Variants in ACSBG2 observed in about 807,000 individuals in gnomAD.
The protein encoded by ACSBG2 is long-chain-fatty-acid--CoA ligase ACSBG2.
In ACSBG2, 62 loss-of-function variants were observed where a neutral mutation model predicts 74.7. The ratio of observed to expected loss-of-function variants is 0.83; its 90% CI spans 0.68 to 1.03. The LOEUF (loss-of-function observed/expected upper bound fraction) is 1.03, where lower values mean the gene tolerates loss of function less well. Among genes scored for constraint, ACSBG2 ranks in the 50% least tolerant of loss-of-function variants. The pLI, the probability that ACSBG2 is intolerant of heterozygous loss-of-function variation, is 0.00. For missense variants in ACSBG2, 730 were observed against 817.6 expected, an observed-to-expected ratio of 0.89 and a Z score of 1.31; for synonymous variants, 309 against 294.1, an observed-to-expected ratio of 1.05 and a Z score of -0.52.
chr19:6,149,197 C>T (rs1251739203), intron 3 of ACSBG2, among the ~76,000 whole-genome samples: 16 of 152,106 alleles, frequency 1.1e-4, no homozygotes, highest in Admixed American at 9.8e-4. Flanking sequence ...AGAAATTAGT[C>T]GGTGTAACTA....
At position 6,182,774 on chromosome 19, in the gene ACSBG2, G is replaced by A. The variant is rs1381580778; in HGVS notation, c.930G>A (p.Lys310=). The part of the protein sequence containing the change: ...ALKGTLVSTL[K]EVKPTVFIGV... The stretch of plus-strand genomic sequence containing the variant: ...AGGGCACCTTGGTAAGTACTCTAAA[G>A]GAGGTAAAACCTACTGTCTTCATTG... The change falls in exon 9 of 15, where the codon AAG becomes AAA. Residue 310 remains lysine (K), a synonymous_variant. Coordinates refer to ENST00000588485, the MANE Select transcript of ACSBG2 (RefSeq NM_030924.5). 6.2e-7 allele frequency: 1 copy of A among 1,614,148 alleles called. No homozygotes were observed. The highest frequency in any genetic ancestry group is 8.5e-7 in the Non-Finnish European group (1 of 1,180,010).
At chr19:6,147,763 G>A in intron 3 of ACSBG2, 88 bp downstream of exon 3, 4 of 1,422,706 alleles carry the variant, frequency 2.8e-6, no homozygotes, top group Non-Finnish European at 3.9e-6. Context: ...AAATTCACAA[G>A]GCACCAAAAG....
chr19:6,139,086 A>G (rs1766903050), intron 1 of ACSBG2, among the ~76,000 whole-genome samples: 1 of 109,270 alleles, frequency 9.2e-6, no homozygotes, highest in African/African-American at 4.4e-5. Flanking sequence ...TTTTAAAATT[A>G]AACTTATTTT....
chr19:6,166,720 C>T (rs2089821407), intron 7 of ACSBG2, among the ~76,000 whole-genome samples: 1 of 151,932 alleles, frequency 6.6e-6, no homozygotes, highest in Non-Finnish European at 1.5e-5. Flanking sequence ...TCACTGCAAC[C>T]ACTGCCTCCT....
intron 7 of ACSBG2, among the ~76,000 whole-genome samples, chr19:6,168,312 G>A (rs2089869231): frequency 1.3e-5 from 2 of 152,108 alleles, no homozygotes; most frequent in South Asian, 4.1e-4. Context: ...CCTCCTTCGG[G>A]TGGGTCTCTG....
intron 12 of ACSBG2, 52 bp from the exon 13 acceptor site, chr19:6,187,547 G>A (rs1429878754): frequency 1.4e-5 from 22 of 1,609,760 alleles, no homozygotes; most frequent in Non-Finnish European, 1.8e-5. Context: ...GTGGGCCTGG[G>A]GAGGGGTGCT....
intron 1 of ACSBG2, among the ~76,000 whole-genome samples, chr19:6,138,250 C>T (rs2088655945): frequency 6.6e-6 from 1 of 152,088 alleles, no homozygotes; most frequent in African/African-American, 2.4e-5. Flanking sequence ...GTCTGAGACA[C>T]AGTCAGTGGT....
intron 8 of ACSBG2, among the ~76,000 whole-genome samples, chr19:6,181,979 C>T (rs577239135): frequency 3.9e-5 from 6 of 152,232 alleles, no homozygotes; most frequent in African/African-American, 1.4e-4. Context: ...GGATGGCTAA[C>T]GTTTCCTGGT....
chr19:6,165,014 A>AATT (rs1270866625), intron 6 of ACSBG2, among the ~76,000 whole-genome samples: 1 of 152,190 alleles, frequency 6.6e-6, no homozygotes, highest in Non-Finnish European at 1.5e-5. Flanking sequence ...GCAATGCATC[A>AATT]ATTATCAATA....
intron 7 of ACSBG2, among the ~76,000 whole-genome samples, chr19:6,170,623 ATTT>A (rs1403071056): frequency 6.6e-6 from 1 of 151,948 alleles, no homozygotes; most frequent in African/African-American, 2.4e-5. Flanking sequence ...TATGATTTTG[ATTT>A]TTTTAAATTT....
At chr19:6,137,896 C>T (rs2088645462) in intron 1 of ACSBG2, among the ~76,000 whole-genome samples, 1 of 152,148 alleles carries the variant, frequency 6.6e-6, no homozygotes, top group Non-Finnish European at 1.5e-5. Flanking sequence ...TCAGGTGATC[C>T]ACCCGCCTCG....
chr19:6,156,829 GCTGGAGTGCAATGT>G (rs1444781564), intron 5 of ACSBG2, among the ~76,000 whole-genome samples: 3 of 150,744 alleles, frequency 2.0e-5, no homozygotes, highest in Non-Finnish European at 4.4e-5. Flanking sequence ...CTGTCCCCAG[GCTGGAGTGCAATGT>G]CGTGATTGTA....
intron 10 of ACSBG2, among the ~76,000 whole-genome samples, chr19:6,184,921 T>A (rs1032677228): frequency 6.2e-5 from 9 of 144,474 alleles, no homozygotes; most frequent in Non-Finnish European, 1.4e-4. Flanking sequence ...TTTTTGTTTT[T>A]GTTTTTGTTT....
At chr19:6,182,269 T>C (rs182389630) in intron 8 of ACSBG2, among the ~76,000 whole-genome samples, 21 of 151,448 alleles carry the variant, frequency 1.4e-4, no homozygotes, top group African/African-American at 5.1e-4. Context: ...ATAGGTCTCT[T>C]TGGGGGAGAA....
intron 7 of ACSBG2, chr19:6,176,255 C>G (rs953970247): frequency 2.4e-5 from 32 of 1,331,204 alleles, no homozygotes; most frequent in Non-Finnish European, 2.9e-5. Context: ...GTGGGGGCCC[C>G]AGGTCCTTAC....
rs1264892884 is a variant in ACSBG2 at position 6,183,262 on chromosome 19, A to G, written c.1312A>G (p.Arg438Gly). The G allele has an allele frequency of 6.2e-7, 1 of 1,613,910 alleles. No homozygotes were observed. The highest frequency in any genetic ancestry group is 8.5e-7 in the Non-Finnish European group (1 of 1,179,802). The part of the protein sequence containing the change: ...PHTISNQNNY[R>G]LLSCGKILTG... The stretch of plus-strand genomic sequence containing the variant: ...CACGATATCCAACCAGAATAACTAC[A>G]GGCTTCTAAGGTACCAGCCCCCGGG... Residue 438 changes from arginine to glycine, a missense_variant, in exon 10 of 15, where the codon AGG becomes GGG. Transcript: ENST00000588485.
Position 6,177,215 on chromosome 19 carries a change from C to G in ACSBG2, c.739-14C>G, listed in dbSNP as rs1362349313. ...ATGAGGGTGAGGCACCTTGGATTGT[C>G]CCTTATGTTACAGATCACGTGGATT... On this transcript the variant is annotated splice_polypyrimidine_tract_variant and intron_variant, in intron 7 of 14. Coordinates refer to ENST00000588485, the MANE Select transcript of ACSBG2 (RefSeq NM_030924.5). 6.2e-7 allele frequency: 1 copy of G among 1,613,698 alleles called. No individual in the cohort carries two copies. Among genetic ancestry groups the G allele is most frequent in the Non-Finnish European group, 8.5e-7 (1 of 1,179,894 alleles).
chr19:6,191,241 G>GTT (rs772147117), intron 14 of ACSBG2: 7 of 143,480 alleles, frequency 4.9e-5, no homozygotes, highest in Admixed American at 1.4e-4. Context: ...TTATTGAGGT[G>GTT]TTTTTTTTTT....
intron 6 of ACSBG2, 154 bp downstream of exon 6, chr19:6,161,449 T>A: frequency 1.6e-6 from 1 of 632,706 alleles, no homozygotes; most frequent in Non-Finnish European, 2.6e-6. Flanking sequence ...TCAAAGGAAG[T>A]GAAAGGTGAG....
Sources: gnomAD v4.1 joint callset for allele counts (sites outside exome capture counted in the v4.1 genomes callset) on GRCh38, gnomAD v4.1.1 for gene constraint, MANE v1.5 for transcripts, NCBI Gene and HGNC (gene_info 2026-07-23, HGNC 2026-07-21) for gene names.